SCHIP1: variants seen among roughly 807,000 people sequenced by gnomAD.
SCHIP1 encodes schwannomin-interacting protein 1.
In SCHIP1, 8 loss-of-function variants were observed where a neutral mutation model predicts 29.7. The ratio of observed to expected loss-of-function variants is 0.27; its 90% CI spans 0.16 to 0.49. The LOEUF (loss-of-function observed/expected upper bound fraction) is 0.49, where lower values mean the gene tolerates loss of function less well. Among genes scored for constraint, SCHIP1 ranks in the 20% least tolerant of loss-of-function variants. The pLI is 0.99. For missense variants in SCHIP1, 193 were observed against 294.6 expected (o/e 0.66, Z 2.52); for synonymous variants, 76 against 94.9 (o/e 0.80, Z 1.16).
the SCHIP1 span, among the ~76,000 whole-genome samples, chr3:159,760,887 C>T: frequency 2.1e-5 from 1 of 48,280 alleles, no homozygotes; most frequent in Admixed American, 1.9e-4. Flanking sequence ...TCTTATGAGT[C>T]TAGTGAGAAG....
At chr3:159,660,937 C>T in the SCHIP1 span, among the ~76,000 whole-genome samples, 1 of 152,158 alleles carries the variant, frequency 6.6e-6, no homozygotes, top group Non-Finnish European at 1.5e-5. Context: ...ACCCATCCAC[C>T]CACCTGTCCA....
the SCHIP1 span, among the ~76,000 whole-genome samples, chr3:159,425,138 G>A: frequency 1.3e-5 from 2 of 151,394 alleles, no homozygotes; most frequent in Admixed American, 6.6e-5. Flanking sequence ...ATCAACTAAC[G>A]AGCAAAATAA....
the SCHIP1 span, among the ~76,000 whole-genome samples, chr3:159,626,086 T>TATATATATA: frequency 7.7e-5 from 8 of 103,624 alleles, no homozygotes; most frequent in South Asian, 9.3e-4. Flanking sequence ...AGAGTGCAGC[T>TATATATATA]TATATAGATA....
chr3:159,447,838 CAATT>C, the SCHIP1 span, among the ~76,000 whole-genome samples: 1 of 152,132 alleles, frequency 6.6e-6, no homozygotes, highest in African/African-American at 2.4e-5. Flanking sequence ...CAACTGTCCA[CAATT>C]AATTTTTTTC....
chr3:159,803,562 T>C, the SCHIP1 span, among the ~76,000 whole-genome samples: 2 of 152,204 alleles, frequency 1.3e-5, no homozygotes, highest in Non-Finnish European at 2.9e-5. Flanking sequence ...ACCTAAGGAA[T>C]TAGATCATGC....
chr3:159,725,232 GA>G, the SCHIP1 span, among the ~76,000 whole-genome samples: 1 of 151,684 alleles, frequency 6.6e-6, no homozygotes, highest in African/African-American at 2.4e-5. Context: ...GAAGATGAGA[GA>G]GAGAGAGAAA....
intron 2 of SCHIP1, among the ~76,000 whole-genome samples, chr3:159,874,003 G>A (rs141505293): frequency 7.9e-5 from 12 of 152,270 alleles, no homozygotes; most frequent in African/African-American, 2.6e-4. Flanking sequence ...ATAGAAACAG[G>A]CTTAGCTGCT....
chr3:159,760,702 C>A, the SCHIP1 span, among the ~76,000 whole-genome samples: 1 of 152,126 alleles, frequency 6.6e-6, no homozygotes, highest in Non-Finnish European at 1.5e-5. Flanking sequence ...ATTTTTTTCA[C>A]ACTAGAAGCC....
chr3:159,352,144 G>A, the SCHIP1 span, among the ~76,000 whole-genome samples: 372 of 152,296 alleles, frequency 2.4e-3, 1 homozygote, highest in African/African-American at 7.9e-3. Flanking sequence ...GCACTGGGGC[G>A]TGGAGCTGTA....
At chr3:159,887,326 T>C (rs764923302) in intron 3 of SCHIP1, 1 of 188,536 alleles carries the variant, frequency 5.3e-6, no homozygotes, top group Non-Finnish European at 1.1e-5. Context: ...TTGAGTGCAG[T>C]GCGACATCAG....
chr3:159,494,827 C>T, the SCHIP1 span, among the ~76,000 whole-genome samples: 2 of 152,180 alleles, frequency 1.3e-5, no homozygotes, highest in East Asian at 3.8e-4. Context: ...ATACCAATAT[C>T]CTTGATGAAC....
the SCHIP1 span, among the ~76,000 whole-genome samples, chr3:159,520,810 C>T: frequency 3.9e-3 from 588 of 152,202 alleles, 8 homozygotes; most frequent in African/African-American, 0.013. Flanking sequence ...TTTGTGTTTA[C>T]GTAATTACAG....
chr3:159,371,655 A>T, the SCHIP1 span, among the ~76,000 whole-genome samples: 1 of 152,234 alleles, frequency 6.6e-6, no homozygotes, highest in Non-Finnish European at 1.5e-5. Context: ...CCTACCAAGG[A>T]TACCAAAATT....
the SCHIP1 span, among the ~76,000 whole-genome samples, chr3:159,577,271 C>T: frequency 7.2e-5 from 11 of 152,188 alleles, no homozygotes; most frequent in Non-Finnish European, 2.9e-5. Context: ...GACAACAAAT[C>T]ACCAAGCAAA....
chr3:159,753,655 C>T, the SCHIP1 span, among the ~76,000 whole-genome samples: 2 of 152,172 alleles, frequency 1.3e-5, no homozygotes, highest in African/African-American at 2.4e-5. Flanking sequence ...CTTGTCCTGA[C>T]CTATTCATTT....
the SCHIP1 span, among the ~76,000 whole-genome samples, chr3:159,601,958 C>A: frequency 6.6e-6 from 1 of 152,210 alleles, no homozygotes; most frequent in African/African-American, 2.4e-5. Context: ...CAAAAGTGTA[C>A]TCTGCCATAC....
At chr3:159,442,763 A>T in the SCHIP1 span, among the ~76,000 whole-genome samples, 1 of 152,116 alleles carries the variant, frequency 6.6e-6, no homozygotes, top group East Asian at 1.9e-4. Context: ...TCCAGGTGAG[A>T]ACTGCTAAGT....
the SCHIP1 span, among the ~76,000 whole-genome samples, chr3:159,620,156 T>A: frequency 6.6e-6 from 1 of 152,180 alleles, no homozygotes; most frequent in Admixed American, 6.5e-5. Context: ...CTGTGCTTGC[T>A]CCCTGCCTTG....
chr3:159,437,674 C>G, the SCHIP1 span, among the ~76,000 whole-genome samples: 2 of 152,218 alleles, frequency 1.3e-5, no homozygotes, highest in East Asian at 1.9e-4. Context: ...AATTCAAGGT[C>G]ATTCTCTTGC....
Sources: allele counts gnomAD v4.1 joint callset (sites outside exome capture counted in the v4.1 genomes callset), GRCh38; gene constraint gnomAD v4.1.1; transcripts MANE v1.5; gene names NCBI Gene and HGNC (gene_info 2026-07-23, HGNC 2026-07-21).